The following LMBRD2 variants were observed in gnomAD, a reference collection of about 807,000 sequenced individuals.
LMBRD2 encodes the protein G protein-coupled receptor-associated protein LMBRD2.
LMBRD2 carries 55 observed loss-of-function variants against 94.4 expected under a neutral mutation model. That is an observed-to-expected ratio of 0.58 (90% CI 0.47 to 0.73). The LOEUF (loss-of-function observed/expected upper bound fraction) is 0.73. Among genes scored for constraint, LMBRD2 ranks in the 30% least tolerant of loss-of-function variants. LMBRD2 has a pLI of 0.00. For missense variants in LMBRD2, 640 were observed against 831.9 expected, an observed-to-expected ratio of 0.77 and a Z score of 2.84; for synonymous variants, 246 against 272.4, an observed-to-expected ratio of 0.90 and a Z score of 0.95.
At chr5:36,129,555 C>T (rs551788415) in intron 6 of LMBRD2, among the ~76,000 whole-genome samples, 6 of 151,740 alleles carry the variant, frequency 4.0e-5, no homozygotes, top group Admixed American at 3.3e-4. Context: ...CGTTTCCAGA[C>T]AAACAAAAGC....
In LMBRD2 at chr5:36,151,184, A is replaced by C. The variant is rs188882661; in HGVS notation, c.-58+372T>G. On this transcript the variant is annotated intron_variant, in intron 1 of 17. Coordinates refer to ENST00000296603, the MANE Select transcript of LMBRD2 (RefSeq NM_001007527.2). This position sits in a 1 kb window ranked among gnomAD's most constrained non-coding sequence, Gnocchi z 4.7. ...CGCTTTTAGGCGGCGACGCAAACAC[A>C]CGTAGCCAGCTGAGCGACAGCAAGC... 4.6e-4 allele frequency among the ~76,000 whole-genome samples: 70 copies of C among 152,358 alleles called. No homozygotes were observed. The highest frequency in any genetic ancestry group is 3.4e-3 in the Middle Eastern group (1 of 294).
intron 13 of LMBRD2, among the ~76,000 whole-genome samples, chr5:36,112,644 T>C (rs1484878837): frequency 6.6e-6 from 1 of 152,168 alleles, no homozygotes; most frequent in Non-Finnish European, 1.5e-5. Context: ...TGATTAACTC[T>C]AGAAAGACAC....
chr5:36,141,076 T>C (rs1227189208), intron 4 of LMBRD2, 31 bp downstream of exon 4: 2 of 1,297,236 alleles, frequency 1.5e-6, no homozygotes, highest in Middle Eastern at 3.7e-4. Flanking sequence ...TAGCCAAAAT[T>C]TTAAAAATTT....
At chr5:36,116,158 T>C (rs182944285) in intron 11 of LMBRD2, among the ~76,000 whole-genome samples, 5 of 152,306 alleles carry the variant, frequency 3.3e-5, no homozygotes, top group Admixed American at 3.3e-4. Context: ...CATCTAGGTC[T>C]GACTTAGTCT....
chr5:36,105,665 G>A (rs933719206), intron 16 of LMBRD2, among the ~76,000 whole-genome samples: 4 of 152,128 alleles, frequency 2.6e-5, no homozygotes, highest in South Asian at 2.1e-4. Context: ...GGCACTAGCC[G>A]ATATTTAATT....
chr5:36,144,512 C>T (rs1408530400), intron 1 of LMBRD2, among the ~76,000 whole-genome samples: 1 of 152,034 alleles, frequency 6.6e-6, no homozygotes, highest in African/African-American at 2.4e-5. Context: ...GGTGAAACAC[C>T]ATCTCTACTA....
intron 12 of LMBRD2, 39 bp downstream of exon 12, chr5:36,114,976 T>TA: frequency 7.8e-7 from 1 of 1,285,568 alleles, no homozygotes; most frequent in Non-Finnish European, 1.1e-6. Flanking sequence ...CTCATATAGA[T>TA]AGTGAACCTA....
intron 6 of LMBRD2, among the ~76,000 whole-genome samples, chr5:36,131,044 T>G (rs1159007742): frequency 6.6e-6 from 1 of 151,928 alleles, no homozygotes. Context: ...AAAAGAAAAC[T>G]GCAGGCCAAT....
chr5:36,110,591 G>A (rs1476707368), intron 14 of LMBRD2, among the ~76,000 whole-genome samples: 1 of 151,936 alleles, frequency 6.6e-6, no homozygotes, highest in African/African-American at 2.4e-5. Flanking sequence ...TTACACAAAA[G>A]CCCCAGACTC....
chr5:36,105,307 A>G (rs761702265), intron 16 of LMBRD2, 110 bp from the exon 17 acceptor site: 87 of 928,748 alleles, frequency 9.4e-5, no homozygotes, highest in Non-Finnish European at 1.4e-4. Context: ...ATCTGAAGAC[A>G]AAGAACATAA....
chr5:36,136,205 T>G, intron 6 of LMBRD2, 104 bp downstream of exon 6: 1 of 1,055,326 alleles, frequency 9.5e-7, no homozygotes. Context: ...AGTTTTGCAG[T>G]CTGAAGCCCA....
At chr5:36,105,025 T>C in intron 17 of LMBRD2, 43 bp downstream of exon 17, 4 of 1,592,272 alleles carry the variant, frequency 2.5e-6, no homozygotes, top group Non-Finnish European at 3.4e-6. Context: ...TTATTAAAAG[T>C]GTAGAGGAAT....
chr5:36,137,594 A>T (rs974583021), intron 4 of LMBRD2, among the ~76,000 whole-genome samples, 153 bp from the exon 5 acceptor site: 2 of 152,238 alleles, frequency 1.3e-5, no homozygotes, highest in African/African-American at 2.4e-5. Flanking sequence ...AATAACTATA[A>T]TAGATGACTG....
chr5:36,129,910 A>G (rs1487473498), intron 6 of LMBRD2, among the ~76,000 whole-genome samples: 1 of 152,226 alleles, frequency 6.6e-6, no homozygotes, highest in African/African-American at 2.4e-5. Flanking sequence ...GCTGGAAACC[A>G]TCATTCTCAG....
chr5:36,141,047 G>C (rs1393153461), intron 4 of LMBRD2, 60 bp downstream of exon 4: 1 of 890,788 alleles, frequency 1.1e-6, no homozygotes, highest in African/African-American at 1.7e-5. Flanking sequence ...TATATTGATT[G>C]AAAAACATTT....
At chr5:36,115,925 A>C (rs980322819) in intron 11 of LMBRD2, among the ~76,000 whole-genome samples, 7 of 152,216 alleles carry the variant, frequency 4.6e-5, no homozygotes, top group Non-Finnish European at 5.9e-5. Flanking sequence ...AAGATGCTTA[A>C]AAATACTTTG....
At chr5:36,122,146 C>T in intron 9 of LMBRD2, 134 bp downstream of exon 9, 5 of 593,356 alleles carry the variant, frequency 8.4e-6, no homozygotes, top group South Asian at 2.5e-5. Context: ...GAAATGTTAC[C>T]AGATACTTAA....
At chr5:36,134,536 A>G (rs1385561785) in intron 6 of LMBRD2, among the ~76,000 whole-genome samples, 1 of 152,110 alleles carries the variant, frequency 6.6e-6, no homozygotes, top group Non-Finnish European at 1.5e-5. Flanking sequence ...ATCCAATATG[A>G]CTGGTGTCCT....
Position 36,110,052 on chromosome 5 carries a change from C to A in LMBRD2, c.1745-61G>T, listed in dbSNP as rs577916390. On this transcript the variant is annotated intron_variant, in intron 14 of 17. Coordinates refer to ENST00000296603, the MANE Select transcript of LMBRD2 (RefSeq NM_001007527.2). ...CATGGTTTAATCAGACATAGTGCAA[C>A]TGAAGTAAAGATAGCGGGCAATGAC... 4.0e-6 allele frequency: 5 copies of A among 1,265,036 alleles called. No homozygotes were observed. In the East Asian group the frequency reaches 1.2e-4, roughly 29 times the overall value. 78.4% of individuals were successfully genotyped at this position (1,265,036 alleles called of 1,614,324 possible).
Sources: gnomAD v4.1 joint callset for allele counts (sites outside exome capture counted in the v4.1 genomes callset) on GRCh38, gnomAD v4.1.1 for gene constraint, Gnocchi (gnomAD v3.1) non-coding constraint, MANE v1.5 for transcripts, NCBI Gene and HGNC (gene_info 2026-07-23, HGNC 2026-07-21) for gene names.